EVC: variants seen among roughly 807,000 people sequenced by gnomAD.
EVC encodes EvC ciliary complex subunit 1.
EVC carries 116 observed loss-of-function variants against 118.9 expected under a neutral mutation model. The observed-to-expected ratio is 0.98, with a 90% CI of 0.84 to 1.14. EVC has a LOEUF of 1.14. Ranked by LOEUF, EVC falls within the 50% of genes most tolerant of loss-of-function variation. EVC has a pLI of 0.00. For missense variants in EVC, 1,401 were observed against 1,246.4 expected (o/e 1.12, Z -1.87); for synonymous variants, 619 against 534.7 (o/e 1.16, Z -2.18).
chr4:5,802,245 A>T lies in EVC; in HGVS notation c.2449+151A>T. ...ATGTATTTATCCCGTGCTTTGTCTC[A>T]AAAAGCCTTTTTCAAAAGGCACTTA... On this transcript the variant is annotated intron_variant, in intron 16 of 20. Transcript: ENST00000264956. 4 of 1,181,050 alleles carry T rather than the reference A, an allele frequency of 3.4e-6. No individual in the cohort carries two copies. In the South Asian group the frequency reaches 5.6e-5, roughly 16 times the overall value. The allele number at this position is 1,181,050 out of a possible 1,614,324, so 73.2% of individuals were successfully genotyped here.
intron 18 of EVC, among the ~76,000 whole-genome samples, chr4:5,808,538 C>T (rs187160634): frequency 6.0e-4 from 92 of 152,318 alleles, no homozygotes; most frequent in African/African-American, 2.2e-3. Context: ...GTGTGGATCC[C>T]TACAGCAGCT....
chr4:5,741,310 A>G (rs1454856089), intron 5 of EVC, among the ~76,000 whole-genome samples: 1 of 152,236 alleles, frequency 6.6e-6, no homozygotes, highest in Non-Finnish European at 1.5e-5. Context: ...CAGGAGACTG[A>G]CATGGATAAC....
chr4:5,748,235 A>G lies in EVC; in HGVS notation c.1027A>G (p.Met343Val), dbSNP rs763807443. 7 of 1,614,022 alleles carry G rather than the reference A, an allele frequency of 4.3e-6. No homozygotes were observed. The highest frequency in any genetic ancestry group is 4.5e-5 in the East Asian group (2 of 44,864). The change falls in exon 8 of 21, where the codon ATG (methionine) becomes GTG (valine). Residue 343 changes from methionine to valine, a missense_variant. Transcript: ENST00000264956. ...KCSSSKARQL[M>V]MTLTERMIAA... Reference sequence around the variant, plus strand: ...TTCCAGCTCCAAAGCCCGACAGCTGATGATGACTCTGACGGAAAGAATGAT... The same window carrying G: ...TTCCAGCTCCAAAGCCCGACAGCTGGTGATGACTCTGACGGAAAGAATGAT...
At position 5,741,729 on chromosome 4, in the gene EVC, T is replaced by G; in HGVS notation, c.716T>G (p.Ile239Ser). 6.4e-7 allele frequency: 1 copy of G among 1,565,538 alleles called. No individual in the cohort carries two copies. Among genetic ancestry groups the G allele is most frequent in the Non-Finnish European group, 8.8e-7 (1 of 1,136,968 alleles). The change falls in exon 6 of 21, where the codon ATT becomes AGT. Residue 239 changes from isoleucine to serine, a missense_variant. Ile to Ser is a moderately radical substitution (Grantham distance 142, BLOSUM62 -2). Transcript: ENST00000264956. ...TCTTGGCAATAGATGTTTATTCAGA[T>G]TTTTAAAATGTGCCTCCTTGACCTT... is the stretch of plus-strand genomic sequence containing the variant. The part of the protein sequence containing the change: ...RQEKHMMFIQ[I>S]FKMCLLDLLP...
chr4:5,728,367 C>T (rs1273629790), intron 2 of EVC, among the ~76,000 whole-genome samples: 3 of 151,068 alleles, frequency 2.0e-5, no homozygotes, highest in Non-Finnish European at 4.4e-5. Flanking sequence ...TGATTTGGCT[C>T]TCTGTTTGTC....
At chr4:5,713,292 T>C (rs1292503507) in intron 1 of EVC, among the ~76,000 whole-genome samples, 1 of 152,178 alleles carries the variant, frequency 6.6e-6, no homozygotes, top group African/African-American at 2.4e-5. Flanking sequence ...TTTCCTCCTG[T>C]CTCCTCCCTC....
chr4:5,757,435 T>A (rs1021380642), intron 11 of EVC, among the ~76,000 whole-genome samples: 1 of 152,226 alleles, frequency 6.6e-6, no homozygotes, highest in African/African-American at 2.4e-5. Context: ...GGGTCAGTCA[T>A]GTCTCTGTTA....
chr4:5,822,547 A>G, the EVC span, among the ~76,000 whole-genome samples: 91 of 152,156 alleles, frequency 6.0e-4, no homozygotes, highest in African/African-American at 2.1e-3. Context: ...AAAACCAACC[A>G]TCCATTCTAC....
intron 13 of EVC, 152 bp downstream of exon 13, chr4:5,793,869 A>T (rs1713260524): frequency 1.1e-5 from 8 of 707,064 alleles, no homozygotes; most frequent in South Asian, 1.1e-4. Context: ...CGATTTCCTC[A>T]TCTATAAAAT....
chr4:5,800,547 A>G (rs1178707585), intron 15 of EVC, among the ~76,000 whole-genome samples: 1 of 151,916 alleles, frequency 6.6e-6, no homozygotes, highest in Non-Finnish European at 1.5e-5. Flanking sequence ...TGAAGGGAGG[A>G]GAGGTGGGTG....
At chr4:5,825,810 G>A in the EVC span, 1 of 716,050 alleles carries the variant, frequency 1.4e-6, no homozygotes, top group Non-Finnish European at 2.3e-6. The surrounding 1 kb of genome is among the most constrained non-coding windows in gnomAD (Gnocchi z 4.4). Flanking sequence ...CACGACAGGT[G>A]CACTTCACAC....
Position 5,753,885 on chromosome 4 carries a change from C to A in EVC, c.1416C>A (p.Ser472Arg). The change falls in exon 10 of 21, where the codon AGC becomes AGA. Residue 472 changes from serine (S) to arginine (R), a missense_variant. Coordinates refer to ENST00000264956, the MANE Select transcript of EVC (RefSeq NM_153717.3). ...LTLAQEEEQR[S>R]FLAEAQPTAD... ...TGGCCCAAGAGGAGGAACAGAGAAG[C>A]TTCCTGGCTGAGGCCCAGCCGACTG... The A allele has an allele frequency of 6.2e-7, 1 of 1,613,888 alleles. No individual in the cohort carries two copies. Among genetic ancestry groups the A allele is most frequent in the Non-Finnish European group, 8.5e-7 (1 of 1,180,048 alleles).
At position 5,793,629 on chromosome 4, in the gene EVC, C is replaced by T. The variant is rs750023994; in HGVS notation, c.1798C>T (p.Leu600=). 2.1e-5 allele frequency: 33 copies of T among 1,552,064 alleles called. No homozygotes were observed. The South Asian group carries it at 3.8e-4, about 18-fold the overall frequency. The change falls in exon 13 of 21, where the codon CTG becomes TTG. Residue 600 remains leucine, a synonymous_variant. Transcript: ENST00000264956. Reference sequence around the variant, plus strand: ...TCAGGTGTGGATGGAGGAGTGTGCGCTGTCCAGCGTGCTGCAGACACACCT... The same window carrying T: ...TCAGGTGTGGATGGAGGAGTGTGCGTTGTCCAGCGTGCTGCAGACACACCT... ...DQQVWMEECA[L]SSVLQTHLRE...
chr4:5,790,411 CTG>C (rs1345139427), intron 12 of EVC, among the ~76,000 whole-genome samples: 1 of 152,176 alleles, frequency 6.6e-6, no homozygotes, highest in African/African-American at 2.4e-5. Flanking sequence ...GTCCAGGCCT[CTG>C]TGTTTAATCT....
intron 6 of EVC, 85 bp from the exon 7 acceptor site, chr4:5,745,119 A>C: frequency 7.3e-7 from 1 of 1,374,170 alleles, no homozygotes; most frequent in Non-Finnish European, 1.0e-6. Flanking sequence ...AATTTGAAAA[A>C]TAAAAGCATT....
Position 5,711,551 on chromosome 4 carries a change from C to T in EVC, c.171C>T (p.His57=). The T allele has an allele frequency of 8.5e-7, 1 of 1,171,102 alleles. No homozygotes were observed. The highest frequency in any genetic ancestry group is 3.8e-5 in the East Asian group (1 of 26,554). The allele number at this position is 1,171,102 out of a possible 1,614,324, so 72.5% of individuals were successfully genotyped here. The part of the protein sequence containing the change: ...GCRAGRQRTR[H]QKDDTQNLLK... ...GCGCGGGCCGCCAGCGCACGCGACA[C>T]CAGGTGGGTCGGCCGAGCAGACAGC... The change falls in exon 1 of 21, where the codon CAC becomes CAT. Residue 57 remains histidine (H), a synonymous_variant. Transcript: ENST00000264956.
intron 11 of EVC, among the ~76,000 whole-genome samples, chr4:5,757,731 C>T (rs1413865623): frequency 6.6e-6 from 1 of 152,176 alleles, no homozygotes; most frequent in African/African-American, 2.4e-5. Flanking sequence ...TAGGGCCCCA[C>T]CCTGATGACC....
chr4:5,719,483 T>A lies in EVC; in HGVS notation c.300+110T>A. On this transcript the variant is annotated intron_variant, in intron 2 of 20. Coordinates refer to ENST00000264956, the MANE Select transcript of EVC (RefSeq NM_153717.3). The surrounding 1 kb of genome is among the most constrained non-coding windows in gnomAD (Gnocchi z 4.7). ...GCCTCTGACAGATATAGTTTCCCAA[T>A]GGGCTGCTTTTCTGAGGCATAATTT... 2 of 1,529,886 alleles carry A rather than the reference T, an allele frequency of 1.3e-6. No individual in the cohort carries two copies. The highest frequency in any genetic ancestry group is 1.8e-6 in the Non-Finnish European group (2 of 1,108,300). The allele number at this position is 1,529,886 out of a possible 1,614,324, so 94.8% of individuals were successfully genotyped here.
At chr4:5,809,073 T>G (rs1468305211) in intron 18 of EVC, among the ~76,000 whole-genome samples, 2 of 152,188 alleles carry the variant, frequency 1.3e-5, no homozygotes, top group Admixed American at 6.5e-5. Context: ...CCATTACAGA[T>G]GGACAAACTG....
Sources: gnomAD v4.1 joint callset for allele counts (sites outside exome capture counted in the v4.1 genomes callset) on GRCh38, gnomAD v4.1.1 for gene constraint, Gnocchi (gnomAD v3.1) non-coding constraint, MANE v1.5 for transcripts, NCBI Gene and HGNC (gene_info 2026-07-23, HGNC 2026-07-21) for gene names.